PRKG1: variants seen among roughly 807,000 people sequenced by gnomAD.
PRKG1 encodes the protein protein kinase cGMP-dependent 1.
Under a neutral mutation model 88.1 loss-of-function variants are expected in PRKG1, and 35 were observed. The observed-to-expected ratio is 0.40, with a 90% CI of 0.30 to 0.53. The LOEUF (loss-of-function observed/expected upper bound fraction) is 0.53, where lower values mean the gene tolerates loss of function less well. PRKG1 is among the 20% of genes least tolerant of loss of function. PRKG1 has a pLI of 0.59. For missense variants in PRKG1, 540 were observed against 839.8 expected, an observed-to-expected ratio of 0.64 and a Z score of 4.41; for synonymous variants, 303 against 292.5, an observed-to-expected ratio of 1.04 and a Z score of -0.37.
intron 7 of PRKG1, among the ~76,000 whole-genome samples, chr10:52,119,644 G>C (rs1010611873): frequency 1.3e-5 from 2 of 152,098 alleles, no homozygotes; most frequent in Admixed American, 1.3e-4. Context: ...GAAAAATAAA[G>C]GAAAGACTAA....
intron 1 of PRKG1, among the ~76,000 whole-genome samples, chr10:51,124,746 A>G (rs1223544661): frequency 6.6e-6 from 1 of 152,198 alleles, no homozygotes; most frequent in African/African-American, 2.4e-5. Context: ...TTTGCTTACA[A>G]AAAAACGGGG....
intron 3 of PRKG1, among the ~76,000 whole-genome samples, chr10:51,576,132 C>T (rs1188443924): frequency 6.6e-6 from 1 of 151,838 alleles, no homozygotes; most frequent in Non-Finnish European, 1.5e-5. Context: ...AAGTAACTTG[C>T]CCATGGTCAC....
chr10:51,738,941 A>G (rs1201048785), intron 3 of PRKG1, among the ~76,000 whole-genome samples: 2 of 152,226 alleles, frequency 1.3e-5, no homozygotes, highest in Non-Finnish European at 2.9e-5. Flanking sequence ...CAACTATGAA[A>G]GACTTTAGCA....
At chr10:51,094,069 A>T (rs1844464590) in intron 1 of PRKG1, among the ~76,000 whole-genome samples, 1 of 152,000 alleles carries the variant, frequency 6.6e-6, no homozygotes. Flanking sequence ...GTGAACAATG[A>T]GTGCTGTTTG....
intron 5 of PRKG1, among the ~76,000 whole-genome samples, chr10:51,991,485 C>T (rs567642096): frequency 5.3e-5 from 8 of 152,050 alleles, no homozygotes; most frequent in Non-Finnish European, 1.2e-4. Context: ...CACACATTAA[C>T]TCATCATTTA....
chr10:52,086,156 CA>C (rs370536583), intron 7 of PRKG1, among the ~76,000 whole-genome samples: 243 of 151,546 alleles, frequency 1.6e-3, no homozygotes, highest in African/African-American at 5.5e-3. Flanking sequence ...AAAATTATTC[CA>C]AAAAAAAGTT....
chr10:51,174,192 AAT>A (rs975445448), intron 2 of PRKG1, among the ~76,000 whole-genome samples: 2 of 151,932 alleles, frequency 1.3e-5, no homozygotes, highest in African/African-American at 2.4e-5. Flanking sequence ...GCACTATAAG[AAT>A]ATATATTTTT....
chr10:51,645,819 A>G (rs920741635), intron 3 of PRKG1, among the ~76,000 whole-genome samples: 1 of 152,186 alleles, frequency 6.6e-6, no homozygotes, highest in African/African-American at 2.4e-5. Context: ...GTACAATTAA[A>G]GGCTCAGAAA....
intron 2 of PRKG1, among the ~76,000 whole-genome samples, chr10:51,269,088 A>C (rs1011937535): frequency 6.6e-6 from 1 of 152,218 alleles, no homozygotes; most frequent in Non-Finnish European, 1.5e-5. Context: ...TCAAAAGAAG[A>C]TATACAAATA....
At chr10:51,562,291 T>G (rs568491974) in intron 3 of PRKG1, among the ~76,000 whole-genome samples, 2 of 152,180 alleles carry the variant, frequency 1.3e-5, no homozygotes, top group African/African-American at 4.8e-5. Context: ...GGTTTTCATC[T>G]TTTGCAAGGG....
intron 2 of PRKG1, among the ~76,000 whole-genome samples, chr10:51,255,165 A>T (rs898586656): frequency 1.3e-5 from 2 of 152,148 alleles, no homozygotes; most frequent in African/African-American, 2.4e-5. Context: ...AATTTTAAGA[A>T]TATAAATAAT....
At chr10:51,562,090 G>A (rs1030268244) in intron 3 of PRKG1, among the ~76,000 whole-genome samples, 4 of 151,934 alleles carry the variant, frequency 2.6e-5, no homozygotes, top group Non-Finnish European at 5.9e-5. Flanking sequence ...TGGGCATGGT[G>A]GTGCATGCCT....
chr10:52,244,016 T>G (rs1414136772), intron 9 of PRKG1, among the ~76,000 whole-genome samples: 2 of 152,128 alleles, frequency 1.3e-5, no homozygotes, highest in East Asian at 3.8e-4. Flanking sequence ...AAGAAGAGAT[T>G]ATATTTTCCA....
chr10:52,080,584 A>G (rs1049450964), intron 7 of PRKG1, among the ~76,000 whole-genome samples: 2 of 152,174 alleles, frequency 1.3e-5, no homozygotes, highest in African/African-American at 4.8e-5. Flanking sequence ...TAAGGGGCTT[A>G]ATTTGGTTGA....
rs180865551 is a variant in PRKG1 at position 51,332,660 on chromosome 10, G to T, written c.479-135063G>T. ...AGGGAAACTCTTATGGAGAGGGAGA[G>T]AGTTAGTTTCTGGCTTCTGTTGACC... On this transcript the variant is annotated intron_variant, in intron 2 of 17. Coordinates refer to ENST00000373980, the MANE Select transcript of PRKG1 (RefSeq NM_006258.4). Among the ~76,000 whole-genome samples the T allele has an allele frequency of 7.6e-4, 116 of 152,244 alleles. 1 individual carries two copies. In the East Asian group the frequency reaches 0.021, roughly 28 times the overall value.
rs1839277343 is a variant in PRKG1, at chr10:51,446,554, A to G, written c.479-21169A>G. On this transcript the variant is annotated intron_variant, in intron 2 of 17. Transcript: ENST00000373980. ...CACAAAGCATTTTAAGGTTTCTGAAAATTGTTTTACAATTTAAGAATATAA... is the reference window on the plus strand; with the variant it reads ...CACAAAGCATTTTAAGGTTTCTGAAGATTGTTTTACAATTTAAGAATATAA... Among the ~76,000 whole-genome samples, 8 of 152,150 alleles carry G rather than the reference A, an allele frequency of 5.3e-5. No homozygotes were observed. The South Asian group carries it at 1.5e-3, about 28-fold the overall frequency.
chr10:51,606,440 G>A (rs1282904047), intron 3 of PRKG1, among the ~76,000 whole-genome samples: 1 of 152,144 alleles, frequency 6.6e-6, no homozygotes, highest in African/African-American at 2.4e-5. Context: ...AAGTATGTAT[G>A]TGGTTTATTT....
intron 2 of PRKG1, among the ~76,000 whole-genome samples, chr10:51,168,618 TGACTTG>T (rs1846614237): frequency 6.6e-6 from 1 of 152,156 alleles, no homozygotes; most frequent in South Asian, 2.1e-4. Flanking sequence ...TTAAGCCATA[TGACTTG>T]AGGGCATATA....
chr10:51,774,521 G>A (rs1158457945), intron 3 of PRKG1, among the ~76,000 whole-genome samples: 3 of 151,998 alleles, frequency 2.0e-5, no homozygotes, highest in African/African-American at 7.2e-5. Context: ...CAAAGTCTCA[G>A]AAGTGTAATG....
Sources: allele counts gnomAD v4.1 joint callset (sites outside exome capture counted in the v4.1 genomes callset), GRCh38; gene constraint gnomAD v4.1.1; transcripts MANE v1.5; gene names NCBI Gene and HGNC (gene_info 2026-07-23, HGNC 2026-07-21).